Variants in TMEM132C observed in about 807,000 individuals in gnomAD.
TMEM132C encodes protein phosphatase 1, regulatory subunit 152.
Under a neutral mutation model 61.4 loss-of-function variants are expected in TMEM132C, and 29 were observed. That is an observed-to-expected ratio of 0.47 (90% CI 0.35 to 0.64). The LOEUF (loss-of-function observed/expected upper bound fraction) is 0.64, where lower values mean the gene tolerates loss of function less well. Ranked by LOEUF, TMEM132C falls within the 30% of genes least tolerant of loss-of-function variation. The pLI is 0.00. For missense variants in TMEM132C, 1,408 were observed against 1,476.9 expected (o/e 0.95, Z 0.76); for synonymous variants, 656 against 633.1 (o/e 1.04, Z -0.54).
intron 4 of TMEM132C, among the ~76,000 whole-genome samples, chr12:128,665,488 C>G (rs1162830685): frequency 6.6e-6 from 1 of 151,172 alleles, no homozygotes; most frequent in East Asian, 2.0e-4. Flanking sequence ...CACACACACA[C>G]AGAGGCACAG....
At position 128,267,344 on chromosome 12, in the gene TMEM132C, C is replaced by T; in HGVS notation, c.-59C>T. The T allele has an allele frequency of 1.0e-6, 1 of 973,700 alleles. No individual in the cohort carries two copies. Among genetic ancestry groups the T allele is most frequent in the Non-Finnish European group, 1.2e-6 (1 of 819,722 alleles). The allele number at this position is 973,700 out of a possible 1,614,324, so 60.3% of individuals were successfully genotyped here. A position where few individuals can be genotyped will look rare whatever the true frequency, so the allele number is the denominator to read the frequency against. ...CGGGCATGGGGCGGCCGGCGGGGGC[C>T]GCGGGCGGGCGCTGCGCTTCGGGCT... On this transcript the variant is annotated 5_prime_UTR_variant, in exon 1 of 9. Transcript: ENST00000435159.
chr12:128,650,952 AG>A (rs1336362151), intron 4 of TMEM132C, among the ~76,000 whole-genome samples: 1 of 152,152 alleles, frequency 6.6e-6, no homozygotes, highest in African/African-American at 2.4e-5. Flanking sequence ...ACCAATCAGA[AG>A]GGGGTCAGAG....
intron 1 of TMEM132C, among the ~76,000 whole-genome samples, chr12:128,357,726 C>T (rs1336519745): frequency 6.6e-6 from 1 of 151,470 alleles, no homozygotes; most frequent in East Asian, 1.9e-4. Context: ...AGAAGGAGCC[C>T]AAAGAAGCAA....
intron 4 of TMEM132C, among the ~76,000 whole-genome samples, chr12:128,666,272 C>T (rs968572307): frequency 1.3e-5 from 2 of 151,416 alleles, no homozygotes; most frequent in Admixed American, 6.6e-5. Flanking sequence ...GGCACTCATA[C>T]ACAAACACAG....
rs544194086 is a variant in TMEM132C, at chr12:128,277,596, A to G, written c.85+10109A>G. On this transcript the variant is annotated intron_variant, in intron 1 of 8. Coordinates refer to ENST00000435159, the MANE Select transcript of TMEM132C (RefSeq NM_001136103.3). ...TGGGGGTGAGGTCACTTCCACCCAC[A>G]CCACTAAGATAGAAGGTGTGATGAT... Among the ~76,000 whole-genome samples, 6 of 152,280 alleles carry G rather than the reference A, an allele frequency of 3.9e-5. No homozygotes were observed. In the South Asian group the frequency reaches 1.2e-3, roughly 32 times the overall value.
At chr12:128,697,463 G>T in intron 8 of TMEM132C, 48 bp downstream of exon 8, 1 of 1,478,106 alleles carries the variant, frequency 6.8e-7, no homozygotes, top group Non-Finnish European at 9.1e-7. Context: ...GTCAGCCACT[G>T]TGCCTGCTTC....
At chr12:128,348,758 T>G (rs1873249042) in intron 1 of TMEM132C, among the ~76,000 whole-genome samples, 2 of 152,238 alleles carry the variant, frequency 1.3e-5, no homozygotes, top group Admixed American at 1.3e-4. Flanking sequence ...AAGTGTTTAC[T>G]TATTTATTTC....
chr12:128,672,728 T>A (rs1954544980), intron 5 of TMEM132C, among the ~76,000 whole-genome samples: 1 of 152,146 alleles, frequency 6.6e-6, no homozygotes, highest in African/African-American at 2.4e-5. Context: ...TCAATGATAT[T>A]TTCAGTGCTA....
intron 3 of TMEM132C, among the ~76,000 whole-genome samples, chr12:128,572,007 C>T (rs991880206): frequency 2.0e-5 from 3 of 152,270 alleles, no homozygotes; most frequent in African/African-American, 7.2e-5. Flanking sequence ...TCATATGTCT[C>T]TGCTGGCCTC....
intron 4 of TMEM132C, among the ~76,000 whole-genome samples, chr12:128,622,378 T>A (rs1255831695): frequency 0.015 from 1,138 of 78,036 alleles, 102 homozygotes; most frequent in African/African-American, 0.066. Context: ...TATATATATA[T>A]ATATATATAT....
chr12:128,669,976 C>T (rs1160538238), intron 5 of TMEM132C, among the ~76,000 whole-genome samples: 2 of 152,188 alleles, frequency 1.3e-5, no homozygotes, highest in Admixed American at 1.3e-4. Flanking sequence ...TTAACATATG[C>T]ATAACCTCAC....
At chr12:128,524,527 A>G (rs1873021102) in intron 2 of TMEM132C, among the ~76,000 whole-genome samples, 1 of 152,064 alleles carries the variant, frequency 6.6e-6, no homozygotes, top group Non-Finnish European at 1.5e-5. Context: ...CTAAGAATAT[A>G]ATTCTAAACC....
chr12:128,374,655 C>T (rs1040835780), intron 1 of TMEM132C, among the ~76,000 whole-genome samples: 4 of 151,994 alleles, frequency 2.6e-5, no homozygotes, highest in African/African-American at 9.7e-5. Flanking sequence ...TCCTCCTGGC[C>T]AGGAGGGTAA....
intron 1 of TMEM132C, among the ~76,000 whole-genome samples, chr12:128,293,634 A>G (rs1397247203): frequency 6.6e-6 from 1 of 151,426 alleles, no homozygotes; most frequent in African/African-American, 2.4e-5. Flanking sequence ...CTCTCTTTGA[A>G]CTCTTGATCT....
intron 2 of TMEM132C, among the ~76,000 whole-genome samples, chr12:128,536,621 T>A (rs951714708): frequency 1.3e-5 from 2 of 152,156 alleles, no homozygotes; most frequent in Non-Finnish European, 2.9e-5. Context: ...ATGTGTTTTA[T>A]CACCACCTTC....
chr12:128,276,832 G>A (rs1437559384), intron 1 of TMEM132C, among the ~76,000 whole-genome samples: 1 of 151,962 alleles, frequency 6.6e-6, no homozygotes, highest in Non-Finnish European at 1.5e-5. Flanking sequence ...CCAAAATAAA[G>A]GAACTTGAAG....
Position 128,574,215 on chromosome 12 carries a change from T to G in TMEM132C, c.1121+30112T>G, listed in dbSNP as rs116204587. ...CATTGTGCATTCTTCCTCACTCACT[T>G]TTATATCGCTCAGAGCATCCTGTCT... On this transcript the variant is annotated intron_variant, in intron 3 of 8. Coordinates refer to ENST00000435159, the MANE Select transcript of TMEM132C (RefSeq NM_001136103.3). Among the ~76,000 whole-genome samples the G allele has an allele frequency of 1.3e-3, 197 of 152,322 alleles. 2 individuals are homozygous for G. The highest frequency in any genetic ancestry group is 4.6e-3 in the African/African-American group (192 of 41,572).
intron 5 of TMEM132C, among the ~76,000 whole-genome samples, chr12:128,691,978 A>C (rs1249805735): frequency 2.0e-5 from 3 of 146,436 alleles, no homozygotes; most frequent in African/African-American, 7.9e-5. Flanking sequence ...CTGTCCACCC[A>C]TCCATTCATG....
At chr12:128,587,745 G>A (rs1040709944) in intron 3 of TMEM132C, among the ~76,000 whole-genome samples, 2 of 152,148 alleles carry the variant, frequency 1.3e-5, no homozygotes, top group Non-Finnish European at 2.9e-5. Flanking sequence ...TTTTATATTG[G>A]CAAGGGAATC....
Sources: allele counts gnomAD v4.1 joint callset (sites outside exome capture counted in the v4.1 genomes callset), GRCh38; gene constraint gnomAD v4.1.1; transcripts MANE v1.5; gene names NCBI Gene and HGNC (gene_info 2026-07-23, HGNC 2026-07-21).